Variants in VKORC1L1 observed in about 807,000 individuals in gnomAD.
VKORC1L1 encodes vitamin K epoxide reductase complex subunit 1-like protein 1.
Under a neutral mutation model 18.9 loss-of-function variants are expected in VKORC1L1, and 2 were observed. That is an observed-to-expected ratio of 0.11 (90% CI 0.04 to 0.33). The LOEUF (loss-of-function observed/expected upper bound fraction) is 0.33, where lower values mean the gene tolerates loss of function less well. Ranked by LOEUF, VKORC1L1 falls within the 10% of genes least tolerant of loss-of-function variation. The pLI is 1.00. For missense variants in VKORC1L1, 123 were observed against 224.1 expected, an observed-to-expected ratio of 0.55 and a Z score of 2.88; for synonymous variants, 96 against 100.0, an observed-to-expected ratio of 0.96 and a Z score of 0.24.
rs527688545 is a variant in VKORC1L1, at chr7:65,888,428, A to G, written c.194+14863A>G. 1.1e-4 allele frequency among the ~76,000 whole-genome samples: 16 copies of G among 151,948 alleles called. No individual in the cohort carries two copies. In the South Asian group the frequency reaches 1.5e-3, roughly 14 times the overall value. ...AAATTGTTTCAAACTAAAGCAGGCC[A>G]TGAGATGAACCCTTTTCATCTTCCC... On this transcript the variant is annotated intron_variant, in intron 1 of 2. Transcript: ENST00000360768.
At chr7:65,907,238 C>T (rs201480971) in intron 1 of VKORC1L1, among the ~76,000 whole-genome samples, 2 of 151,956 alleles carry the variant, frequency 1.3e-5, no homozygotes, top group African/African-American at 2.4e-5. Flanking sequence ...GTCAGGAGTT[C>T]GAGACCAGCC....
In VKORC1L1 at chr7:65,957,483, C is replaced by G. The variant is rs56720903; in HGVS notation, c.*3183C>G. On this transcript the variant is annotated 3_prime_UTR_variant, in exon 3 of 3. Transcript: ENST00000360768. Reference sequence around the variant, plus strand: ...CCAACAGAGCGAGACTGTCCCCCCCCCAAAAAAAAAAGAGAGAGACTGCAT... The same window carrying G: ...CCAACAGAGCGAGACTGTCCCCCCCGCAAAAAAAAAAGAGAGAGACTGCAT... 12 of 129,988 alleles carry G rather than the reference C, an allele frequency of 9.2e-5. No homozygotes were observed. Among genetic ancestry groups the G allele is most frequent in the Non-Finnish European group, 1.7e-4 (10 of 58,860 alleles). 8.1% of individuals were successfully genotyped at this position (129,988 alleles called of 1,614,324 possible).
At chr7:65,866,874 G>T in the VKORC1L1 span, among the ~76,000 whole-genome samples, 17 of 152,182 alleles carry the variant, frequency 1.1e-4, no homozygotes, top group Non-Finnish European at 2.2e-4. Flanking sequence ...AAGAGGAGGA[G>T]GGGGAAGAAG....
chr7:65,895,892 T>G (rs2116375189), intron 1 of VKORC1L1, among the ~76,000 whole-genome samples: 1 of 148,142 alleles, frequency 6.8e-6, no homozygotes, highest in African/African-American at 2.5e-5. Flanking sequence ...GCTATCTCAC[T>G]TCTTTTTTTT....
intron 1 of VKORC1L1, among the ~76,000 whole-genome samples, chr7:65,900,518 C>T (rs1321556026): frequency 1.3e-5 from 2 of 151,514 alleles, no homozygotes; most frequent in East Asian, 2.0e-4. Context: ...AAACTACATA[C>T]ATAGCTGGGC....
chr7:65,903,887 C>T (rs2116399562), intron 1 of VKORC1L1, among the ~76,000 whole-genome samples: 1 of 151,816 alleles, frequency 6.6e-6, no homozygotes, highest in South Asian at 2.1e-4. Context: ...TTTAGATCTT[C>T]ACAAAGGATT....
At chr7:65,903,631 G>T (rs541345495) in intron 1 of VKORC1L1, among the ~76,000 whole-genome samples, 29 of 152,302 alleles carry the variant, frequency 1.9e-4, no homozygotes, top group African/African-American at 7.0e-4. Flanking sequence ...AATCAGCCAG[G>T]CATGGTGGCG....
At chr7:65,875,308 T>G (rs1330693804) in intron 1 of VKORC1L1, among the ~76,000 whole-genome samples, 1 of 152,208 alleles carries the variant, frequency 6.6e-6, no homozygotes, top group Non-Finnish European at 1.5e-5. Context: ...AAATCACATA[T>G]GTATATATAC....
chr7:65,942,670 C>T (rs1178208533), intron 1 of VKORC1L1, among the ~76,000 whole-genome samples: 9 of 151,838 alleles, frequency 5.9e-5, no homozygotes, highest in Admixed American at 1.3e-4. Flanking sequence ...GGATTACAGG[C>T]GCCCGCCAGC....
intron 1 of VKORC1L1, among the ~76,000 whole-genome samples, chr7:65,915,663 T>C: frequency 6.6e-6 from 1 of 151,552 alleles, no homozygotes; most frequent in Admixed American, 6.6e-5. Context: ...TAGTAGAGTT[T>C]CCTACCATCT....
chr7:65,877,636 C>T (rs1480112225), intron 1 of VKORC1L1, among the ~76,000 whole-genome samples: 6 of 152,158 alleles, frequency 3.9e-5, no homozygotes, highest in Non-Finnish European at 7.4e-5. Flanking sequence ...GCATCAGCCA[C>T]CGTGTCCAGC....
chr7:65,908,922 A>T (rs932857764), intron 1 of VKORC1L1, among the ~76,000 whole-genome samples: 2 of 151,640 alleles, frequency 1.3e-5, no homozygotes, highest in African/African-American at 4.8e-5. Context: ...AACATCAGAC[A>T]TGTAAAATAC....
intron 1 of VKORC1L1, among the ~76,000 whole-genome samples, chr7:65,928,688 G>T (rs1252713608): frequency 6.6e-6 from 1 of 152,148 alleles, no homozygotes; most frequent in Non-Finnish European, 1.5e-5. Flanking sequence ...TATAAATAAA[G>T]CTACTCTACG....
chr7:65,944,284 A>AATGG, intron 1 of VKORC1L1, among the ~76,000 whole-genome samples: 1 of 152,108 alleles, frequency 6.6e-6, no homozygotes, highest in East Asian at 1.9e-4. Flanking sequence ...CAGGAGTCTC[A>AATGG]CTTGAACCCG....
At chr7:65,917,885 T>G (rs1789614058) in intron 1 of VKORC1L1, among the ~76,000 whole-genome samples, 1 of 152,162 alleles carries the variant, frequency 6.6e-6, no homozygotes, top group African/African-American at 2.4e-5. Flanking sequence ...TCTGTCAAGT[T>G]ATATAGGGTG....
chr7:65,890,411 G>T (rs188422762), intron 1 of VKORC1L1, among the ~76,000 whole-genome samples: 1 of 152,200 alleles, frequency 6.6e-6, no homozygotes, highest in Non-Finnish European at 1.5e-5. Flanking sequence ...GATTACAGGC[G>T]TGAGCCACCA....
At chr7:65,932,318 G>A (rs1310440178) in intron 1 of VKORC1L1, among the ~76,000 whole-genome samples, 1 of 152,056 alleles carries the variant, frequency 6.6e-6, no homozygotes, top group African/African-American at 2.4e-5. Context: ...GGCTGGTCTC[G>A]AACATCTGAG....
At chr7:65,899,560 T>A (rs185801532) in intron 1 of VKORC1L1, among the ~76,000 whole-genome samples, 19 of 152,194 alleles carry the variant, frequency 1.2e-4, no homozygotes, top group African/African-American at 4.3e-4. Flanking sequence ...CTCTGAAGCT[T>A]ATGGGAGGAC....
At chr7:65,905,100 C>G (rs974124490) in intron 1 of VKORC1L1, among the ~76,000 whole-genome samples, 5 of 152,088 alleles carry the variant, frequency 3.3e-5, no homozygotes, top group African/African-American at 1.2e-4. Context: ...GGTGTATACA[C>G]ATAAATAATG....
Sources: allele counts gnomAD v4.1 joint callset (sites outside exome capture counted in the v4.1 genomes callset), GRCh38; gene constraint gnomAD v4.1.1; transcripts MANE v1.5; gene names NCBI Gene and HGNC (gene_info 2026-07-23, HGNC 2026-07-21).